Variants in SLC4A5 observed in about 807,000 individuals in gnomAD.
SLC4A5 encodes the protein electrogenic sodium bicarbonate cotransporter 4.
In SLC4A5, 96 loss-of-function variants were observed where a neutral mutation model predicts 120.4. The ratio of observed to expected loss-of-function variants is 0.80; its 90% CI spans 0.68 to 0.94. SLC4A5 has a LOEUF of 0.94. Among genes scored for constraint, SLC4A5 ranks in the 40% least tolerant of loss-of-function variants. SLC4A5 has a pLI of 0.00. For missense variants in SLC4A5, 1,259 were observed against 1,459.5 expected, an observed-to-expected ratio of 0.86 and a Z score of 2.24; for synonymous variants, 550 against 571.1, an observed-to-expected ratio of 0.96 and a Z score of 0.53.
At chr2:74,327,330 C>G (rs2104330949) in intron 5 of SLC4A5, among the ~76,000 whole-genome samples, 1 of 152,230 alleles carries the variant, frequency 6.6e-6, no homozygotes, top group Non-Finnish European at 1.5e-5. Flanking sequence ...TCTGACAGCC[C>G]AGAGTATTTC....
chr2:74,217,596 T>C (rs575745750), exon 31 of SLC4A5: 36 of 152,316 alleles, frequency 2.4e-4, no homozygotes, highest in Admixed American at 2.3e-3. Flanking sequence ...TGATTCCAGG[T>C]ATGAAAAACC....
intron 2 of SLC4A5, among the ~76,000 whole-genome samples, chr2:74,340,229 T>C (rs539580853): frequency 6.6e-6 from 1 of 152,328 alleles, no homozygotes; most frequent in East Asian, 1.9e-4. Context: ...GGAAATCATT[T>C]TAATAAAAAT....
At chr2:74,337,061 G>A (rs1673505923) in intron 3 of SLC4A5, among the ~76,000 whole-genome samples, 1 of 152,196 alleles carries the variant, frequency 6.6e-6, no homozygotes, top group Non-Finnish European at 1.5e-5. Flanking sequence ...TAATTCCCCA[G>A]GGCAAGGACA....
intron 19 of SLC4A5, among the ~76,000 whole-genome samples, chr2:74,244,411 T>TTCCCTCCCTCCTTCCC (rs1199428227): frequency 2.7e-4 from 38 of 138,378 alleles, no homozygotes; most frequent in African/African-American, 9.9e-4. Flanking sequence ...CCCCCCTTCC[T>TTCCCTCCCTCCTTCCC]TCCCTCCCTC....
chr2:74,259,791 C>T (rs1359694504), intron 11 of SLC4A5, 148 bp from the exon 12 acceptor site: 1 of 719,698 alleles, frequency 1.4e-6, no homozygotes, highest in South Asian at 1.6e-5. Context: ...AAACTAGCAT[C>T]CTCTCACTTT....
At chr2:74,263,097 T>C (rs1352674063) in intron 10 of SLC4A5, among the ~76,000 whole-genome samples, 3 of 152,192 alleles carry the variant, frequency 2.0e-5, no homozygotes, top group African/African-American at 7.2e-5. Flanking sequence ...TGGAGTGCAA[T>C]GGCACGATCT....
intron 29 of SLC4A5, 104 bp downstream of exon 29, chr2:74,222,764 C>T: frequency 9.4e-7 from 1 of 1,058,366 alleles, no homozygotes; most frequent in South Asian, 1.3e-5. Context: ...GCTGCTCTAG[C>T]ATCCAAAATG....
At chr2:74,307,605 A>G (rs578047292) in intron 6 of SLC4A5, 2 of 762,980 alleles carry the variant, frequency 2.6e-6, no homozygotes. Context: ...CTGAGCGCTC[A>G]TGTCCTCAAT....
intron 8 of SLC4A5, among the ~76,000 whole-genome samples, chr2:74,282,031 T>G (rs1671829647): frequency 6.6e-6 from 1 of 152,234 alleles, no homozygotes; most frequent in Non-Finnish European, 1.5e-5. Flanking sequence ...CTAGCTTCCC[T>G]GAGTGGCTCC....
At chr2:74,312,584 G>C (rs1053004036) in intron 6 of SLC4A5, among the ~76,000 whole-genome samples, 2 of 152,008 alleles carry the variant, frequency 1.3e-5, no homozygotes, top group Non-Finnish European at 2.9e-5. Flanking sequence ...CTTGTTTTTT[G>C]ATCCTGCCTA....
intron 29 of SLC4A5, 45 bp downstream of exon 29, chr2:74,222,823 G>A: frequency 6.7e-7 from 1 of 1,488,434 alleles, no homozygotes; most frequent in Non-Finnish European, 9.4e-7. Flanking sequence ...GAAAGACATG[G>A]AGGACTAGTA....
chr2:74,340,373 C>T (rs1242152399), intron 2 of SLC4A5, among the ~76,000 whole-genome samples: 2 of 152,200 alleles, frequency 1.3e-5, no homozygotes, highest in African/African-American at 4.8e-5. Flanking sequence ...ATTTTCTATG[C>T]TAGGCAGGCC....
intron 3 of SLC4A5, among the ~76,000 whole-genome samples, chr2:74,335,289 G>C (rs577049301): frequency 6.6e-6 from 1 of 152,346 alleles, no homozygotes; most frequent in East Asian, 1.9e-4. Flanking sequence ...CTTGGGCCTT[G>C]GCAGAGCTGC....
intron 6 of SLC4A5, among the ~76,000 whole-genome samples, chr2:74,311,278 T>C (rs1252074995): frequency 6.6e-6 from 1 of 152,148 alleles, no homozygotes; most frequent in Non-Finnish European, 1.5e-5. Context: ...TTCTCTATTG[T>C]TTCCTATTTC....
chr2:74,305,946 G>A (rs187358514), intron 6 of SLC4A5, among the ~76,000 whole-genome samples: 122 of 152,032 alleles, frequency 8.0e-4, no homozygotes, highest in African/African-American at 2.7e-3. Context: ...GGCTGGTCTC[G>A]AACTCCTGAC....
rs777213933 is a variant in SLC4A5 at position 74,304,472 on chromosome 2, C to G, written c.271+17G>C. On this transcript the variant is annotated intron_variant, in intron 7 of 30. Coordinates refer to ENST00000394019, the Ensembl canonical transcript of SLC4A5. ...CAGCAGGATGGCTCCCCAGAATGTACCCCTCAAGGAACTCACGAGTCCTGC... is the reference window on the plus strand; with the variant it reads ...CAGCAGGATGGCTCCCCAGAATGTAGCCCTCAAGGAACTCACGAGTCCTGC... 5 of 1,593,100 alleles carry G rather than the reference C, an allele frequency of 3.1e-6. No individual in the cohort carries two copies. The highest frequency in any genetic ancestry group is 2.6e-6 in the Non-Finnish European group (3 of 1,169,232).
chr2:74,264,241 C>T (rs759027764), exon 10 of SLC4A5: 8 of 1,614,212 alleles, frequency 5.0e-6, no homozygotes, highest in Non-Finnish European at 6.8e-6. Flanking sequence ...CGTAACTGAC[C>T]CTCTCCCGGA....
intron 2 of SLC4A5, chr2:74,339,196 A>G (rs1158114378): frequency 6.6e-6 from 1 of 152,218 alleles, no homozygotes; most frequent in East Asian, 1.9e-4. Context: ...TAGAATGAGG[A>G]TATTCTTTAA....
At position 74,315,615 on chromosome 2, in the gene SLC4A5, T is replaced by C. The variant is rs568796185; in HGVS notation, c.-2-590A>G. Among the ~76,000 whole-genome samples the C allele has an allele frequency of 4.0e-5, 6 of 150,298 alleles. No individual in the cohort carries two copies. The South Asian group carries it at 8.4e-4, about 21-fold the overall frequency. ...AATTTATTATGCTTATATAATAATATATATAAAAGTAATATATTATGCATA... is the reference window on the plus strand; with the variant it reads ...AATTTATTATGCTTATATAATAATACATATAAAAGTAATATATTATGCATA... On this transcript the variant is annotated intron_variant, in intron 5 of 30. Coordinates refer to ENST00000394019, the Ensembl canonical transcript of SLC4A5.
Sources: allele counts gnomAD v4.1 joint callset (sites outside exome capture counted in the v4.1 genomes callset), GRCh38; gene constraint gnomAD v4.1.1; transcripts MANE v1.5; gene names NCBI Gene and HGNC (gene_info 2026-07-23, HGNC 2026-07-21).